Variants in LARGE1 observed in about 807,000 individuals in gnomAD.
LARGE1 encodes the protein LARGE xylosyl- and glucuronyltransferase 1, also known as xylosyl- and glucuronyltransferase LARGE1.
A neutral mutation model predicts 87.6 loss-of-function variants in LARGE1; 43 were observed. The observed-to-expected ratio is 0.49, with a 90% CI of 0.38 to 0.63. The LOEUF (loss-of-function observed/expected upper bound fraction) is 0.63. Ranked by LOEUF, LARGE1 falls within the 30% of genes least tolerant of loss-of-function variation. The pLI is 0.00. For synonymous variants in LARGE1, 434 were observed against 394.6 expected (o/e 1.10, Z -1.18); for missense variants, 802 against 1,000.2 (o/e 0.80, Z 2.67).
chr22:33,143,834 T>C, the LARGE1 span, among the ~76,000 whole-genome samples: 1 of 152,100 alleles, frequency 6.6e-6, no homozygotes, highest in South Asian at 2.1e-4. Flanking sequence ...AATAACAAAA[T>C]CCATTATACT....
chr22:33,788,572 T>G (rs1204149728), intron 1 of LARGE1, among the ~76,000 whole-genome samples: 2 of 152,214 alleles, frequency 1.3e-5, no homozygotes, highest in Non-Finnish European at 2.9e-5. Flanking sequence ...TTCAATGGCT[T>G]GGACCGAAAT....
chr22:33,182,136 T>G (rs551885757), intron 11 of LARGE1, among the ~76,000 whole-genome samples: 2 of 152,332 alleles, frequency 1.3e-5, no homozygotes, highest in African/African-American at 4.8e-5. Flanking sequence ...ATATTACTTT[T>G]GACTAATTTG....
rs564020494 is a variant in LARGE1 at position 33,864,440 on chromosome 22, T to C, written c.-83+55555A>G. 6.6e-5 allele frequency among the ~76,000 whole-genome samples: 10 copies of C among 152,338 alleles called. No individual in the cohort carries two copies. The South Asian group carries it at 1.5e-3, about 22-fold the overall frequency. ...TAAGAAACCAATGCTGGCTTCGTGTTGCTGGGGAAAGCTACATAGGCAAGG... is the reference window on the plus strand; with the variant it reads ...TAAGAAACCAATGCTGGCTTCGTGTCGCTGGGGAAAGCTACATAGGCAAGG... On this transcript the variant is annotated intron_variant, in intron 1 of 14. Coordinates refer to ENST00000397394, the MANE Select transcript of LARGE1 (RefSeq NM_133642.5).
intron 6 of LARGE1, among the ~76,000 whole-genome samples, chr22:33,505,733 G>A (rs2070731763): frequency 6.6e-6 from 1 of 152,176 alleles, no homozygotes; most frequent in South Asian, 2.1e-4. Context: ...TGGGTTAGGT[G>A]AGTGGCCATC....
chr22:33,696,662 G>A (rs1037627160), intron 2 of LARGE1, among the ~76,000 whole-genome samples: 1 of 152,206 alleles, frequency 6.6e-6, no homozygotes, highest in African/African-American at 2.4e-5. Context: ...AACATCTGAT[G>A]TTGTTAGTTT....
At chr22:33,285,624 A>AAAACAAAC (rs57414667) in intron 12 of LARGE1, among the ~76,000 whole-genome samples, 2,058 of 151,612 alleles carry the variant, frequency 0.014, 31 homozygotes, top group South Asian at 0.052. Context: ...ACCCTGTCAC[A>AAAACAAAC]AAACAAACAA....
At chr22:33,871,982 C>CAAAAAAAAAAAAAAAAAAAAAA (rs58105742) in intron 1 of LARGE1, among the ~76,000 whole-genome samples, 4 of 86,808 alleles carry the variant, frequency 4.6e-5, no homozygotes, top group African/African-American at 3.9e-5. Flanking sequence ...TCTAAATCAG[C>CAAAAAAAAAAAAAAAAAAAAAA]AAAAAAAAAA....
At chr22:33,812,965 TCTC>T (rs950445132) in intron 1 of LARGE1, among the ~76,000 whole-genome samples, 8 of 152,162 alleles carry the variant, frequency 5.3e-5, no homozygotes, top group African/African-American at 1.4e-4. Flanking sequence ...TTTCTGGTTT[TCTC>T]CTATTAGGTG....
At chr22:33,533,162 G>GTA (rs2076945949) in intron 6 of LARGE1, among the ~76,000 whole-genome samples, 1 of 152,200 alleles carries the variant, frequency 6.6e-6, no homozygotes, top group Non-Finnish European at 1.5e-5. Context: ...CTAACAATGG[G>GTA]TACCAGTCTT....
chr22:33,734,025 G>T (rs569196502), intron 2 of LARGE1, among the ~76,000 whole-genome samples: 23 of 152,214 alleles, frequency 1.5e-4, no homozygotes, highest in African/African-American at 5.1e-4. Flanking sequence ...TGTCAGGGAG[G>T]GATACGCTTA....
At chr22:33,632,601 T>C (rs995859946) in intron 3 of LARGE1, among the ~76,000 whole-genome samples, 1 of 152,074 alleles carries the variant, frequency 6.6e-6, no homozygotes, top group African/African-American at 2.4e-5. Context: ...TTCCTGCCTC[T>C]GTGTTGCCTC....
At chr22:33,448,453 G>A (rs937640093) in intron 6 of LARGE1, among the ~76,000 whole-genome samples, 5 of 152,150 alleles carry the variant, frequency 3.3e-5, no homozygotes, top group Non-Finnish European at 4.4e-5. Flanking sequence ...CTTGGTATAT[G>A]TCGGTAATAT....
intron 6 of LARGE1, among the ~76,000 whole-genome samples, chr22:33,490,912 C>T (rs1481847019): frequency 6.6e-6 from 1 of 152,150 alleles, no homozygotes; most frequent in Non-Finnish European, 1.5e-5. Flanking sequence ...TTCCTGGGTA[C>T]TCTTCTCTCT....
rs182085034 is a variant in LARGE1, at chr22:33,530,032, G to C, written c.787+34816C>G. Among the ~76,000 whole-genome samples the C allele has an allele frequency of 2.0e-5, 3 of 152,294 alleles. No homozygotes were observed. In the East Asian group the frequency reaches 5.8e-4, roughly 29 times the overall value. ...GGTAATCCCCTTCCCTACTAGCAGC[G>C]ATAGGGTCTAGGGTTCAGCTTATAA... On this transcript the variant is annotated intron_variant, in intron 6 of 14. Coordinates refer to ENST00000397394, the MANE Select transcript of LARGE1 (RefSeq NM_133642.5).
At chr22:33,111,578 C>A in the LARGE1 span, among the ~76,000 whole-genome samples, 11 of 152,238 alleles carry the variant, frequency 7.2e-5, no homozygotes, top group East Asian at 7.7e-4. Flanking sequence ...CAATTCCCCC[C>A]GTCCAGACTC....
At chr22:33,116,397 CA>C in the LARGE1 span, 4 of 152,412 alleles carry the variant, frequency 2.6e-5, no homozygotes, top group East Asian at 7.7e-4. Context: ...CTCAGTCGCC[CA>C]GGCTGGAGTG....
At chr22:33,830,207 C>T (rs2062925831) in intron 1 of LARGE1, among the ~76,000 whole-genome samples, 1 of 152,060 alleles carries the variant, frequency 6.6e-6, no homozygotes, top group Admixed American at 6.6e-5. Context: ...AGAGACACTC[C>T]ATCTGTAAAA....
At chr22:33,357,989 G>C (rs1359756774) in intron 9 of LARGE1, among the ~76,000 whole-genome samples, 3 of 151,890 alleles carry the variant, frequency 2.0e-5, no homozygotes, top group African/African-American at 7.3e-5. Flanking sequence ...AAAGAACTCA[G>C]TGACAGCCTG....
intron 5 of LARGE1, among the ~76,000 whole-genome samples, chr22:33,584,898 C>T (rs977785920): frequency 6.6e-6 from 1 of 152,184 alleles, no homozygotes; most frequent in African/African-American, 2.4e-5. Context: ...TGGCAGATCA[C>T]TTGAGGTCGG....
Sources: gnomAD v4.1 joint callset for allele counts (sites outside exome capture counted in the v4.1 genomes callset) on GRCh38, gnomAD v4.1.1 for gene constraint, MANE v1.5 for transcripts, NCBI Gene and HGNC (gene_info 2026-07-23, HGNC 2026-07-21) for gene names.